Variants in USP45 observed in about 807,000 individuals in gnomAD.
USP45 encodes the protein ubiquitin specific peptidase 45.
Under a neutral mutation model 95.8 loss-of-function variants are expected in USP45, and 89 were observed. The observed-to-expected ratio is 0.93, with a 90% CI of 0.78 to 1.11. USP45 has a LOEUF of 1.11. Ranked by LOEUF, USP45 falls within the 50% of genes least tolerant of loss-of-function variation. USP45 has a pLI of 0.00. For synonymous variants in USP45, 281 were observed against 316.2 expected (o/e 0.89, Z 1.18); for missense variants, 898 against 942.5 (o/e 0.95, Z 0.62).
At chr6:99,461,921 C>T in intron 13 of USP45, 1 of 985,292 alleles carries the variant, frequency 1.0e-6, no homozygotes, top group Non-Finnish European at 1.2e-6. Context: ...ACTACTGAAT[C>T]ATTCTGGTTC....
intron 5 of USP45, chr6:99,502,127 C>T: frequency 9.2e-7 from 1 of 1,083,024 alleles, no homozygotes; most frequent in Non-Finnish European, 1.2e-6. Context: ...TAAAACTCTC[C>T]ACACCAAAAC....
At chr6:99,470,474 T>A (rs1789135681) in intron 9 of USP45, among the ~76,000 whole-genome samples, 1 of 152,206 alleles carries the variant, frequency 6.6e-6, no homozygotes, top group Non-Finnish European at 1.5e-5. Context: ...TCAAGCATAT[T>A]TTGAAAATTA....
chr6:99,437,117 A>AATCAATCG, intron 17 of USP45, 129 bp downstream of exon 17: 1 of 1,005,776 alleles, frequency 9.9e-7, no homozygotes, highest in Admixed American at 2.6e-5. Flanking sequence ...TCAATCAATC[A>AATCAATCG]ATTAAGTTAA....
chr6:99,507,334 A>T, intron 4 of USP45, 94 bp downstream of exon 4: 1 of 621,218 alleles, frequency 1.6e-6, no homozygotes, highest in East Asian at 2.9e-5. Context: ...AGCTGATAGA[A>T]CATCTTTAAA....
At chr6:99,436,902 C>T (rs1780585837) in intron 17 of USP45, among the ~76,000 whole-genome samples, 1 of 152,126 alleles carries the variant, frequency 6.6e-6, no homozygotes. Flanking sequence ...GAGTTTGAGG[C>T]CAGCCTGGCC....
chr6:99,504,504 G>C (rs1798086770), intron 4 of USP45, among the ~76,000 whole-genome samples: 2 of 152,318 alleles, frequency 1.3e-5, no homozygotes, highest in Non-Finnish European at 2.9e-5. Context: ...GGATTGGAGG[G>C]CATTAGGAAG....
At chr6:99,510,007 G>A (rs1583487314) in intron 2 of USP45, 114 bp downstream of exon 2, 1 of 793,160 alleles carries the variant, frequency 1.3e-6, no homozygotes, top group Non-Finnish European at 2.1e-6. Context: ...AGGTTTGGTG[G>A]AAAAAAATTT....
intron 15 of USP45, among the ~76,000 whole-genome samples, chr6:99,440,942 A>G (rs1019325673): frequency 2.6e-5 from 4 of 152,148 alleles, no homozygotes; most frequent in Admixed American, 6.5e-5. Flanking sequence ...ATCATACAAG[A>G]GACTGTGTGA....
intron 13 of USP45, among the ~76,000 whole-genome samples, chr6:99,456,619 A>G (rs546093604): frequency 3.3e-5 from 5 of 152,316 alleles, no homozygotes; most frequent in Admixed American, 6.5e-5. Flanking sequence ...CACTTCCCCA[A>G]TCAATACCCT....
chr6:99,450,329 C>G (rs1783574549), intron 13 of USP45, among the ~76,000 whole-genome samples: 1 of 151,886 alleles, frequency 6.6e-6, no homozygotes, highest in Admixed American at 6.6e-5. Context: ...CAAATAGGCA[C>G]AATAAAAAGT....
At chr6:99,497,598 A>G (rs1435794388) in intron 5 of USP45, among the ~76,000 whole-genome samples, 2 of 152,192 alleles carry the variant, frequency 1.3e-5, no homozygotes, top group Non-Finnish European at 2.9e-5. Context: ...TGATAAATTG[A>G]TATTAACATA....
chr6:99,469,982 G>GA (rs1788994253), intron 9 of USP45, among the ~76,000 whole-genome samples: 1 of 151,816 alleles, frequency 6.6e-6, no homozygotes, highest in Non-Finnish European at 1.5e-5. Flanking sequence ...TTTGAATAAG[G>GA]AAAAAAAGAG....
chr6:99,513,543 A>G (rs1275132969), intron 1 of USP45, among the ~76,000 whole-genome samples: 1 of 152,246 alleles, frequency 6.6e-6, no homozygotes, highest in Non-Finnish European at 1.5e-5. Flanking sequence ...GAAACTGATT[A>G]TATTTTCTCG....
intron 5 of USP45, chr6:99,502,096 G>A: frequency 8.4e-7 from 1 of 1,197,098 alleles, no homozygotes; most frequent in South Asian, 1.6e-5. Context: ...AATCAATCAT[G>A]CCTACACAAT....
intron 5 of USP45, among the ~76,000 whole-genome samples, chr6:99,496,739 A>G (rs913750472): frequency 6.6e-6 from 1 of 152,138 alleles, no homozygotes; most frequent in African/African-American, 2.4e-5. Context: ...TGAGACTTTC[A>G]GAGGACAATG....
At chr6:99,435,910 C>G in intron 17 of USP45, 64 bp from the exon 18 acceptor site, 2 of 1,469,238 alleles carry the variant, frequency 1.4e-6, no homozygotes, top group Non-Finnish European at 1.8e-6. Flanking sequence ...CTCTAAATTA[C>G]AAACAATAAC....
intron 13 of USP45, among the ~76,000 whole-genome samples, chr6:99,448,373 CAGG>C (rs942189531): frequency 2.0e-5 from 3 of 152,276 alleles, no homozygotes; most frequent in East Asian, 1.9e-4. Flanking sequence ...AAAACCATGA[CAGG>C]AGAACTACGT....
intron 5 of USP45, among the ~76,000 whole-genome samples, chr6:99,500,507 T>G (rs149198258): frequency 2.6e-5 from 4 of 152,092 alleles, no homozygotes; most frequent in Non-Finnish European, 5.9e-5. Context: ...ATCAGTAAAA[T>G]TGAATGAAAA....
chr6:99,467,606 A>G (rs1429175527), intron 10 of USP45, among the ~76,000 whole-genome samples: 2 of 152,118 alleles, frequency 1.3e-5, no homozygotes, highest in Non-Finnish European at 2.9e-5. Context: ...TACTATAATA[A>G]TAAAGATATT....
Sources: allele counts gnomAD v4.1 joint callset (sites outside exome capture counted in the v4.1 genomes callset), GRCh38; gene constraint gnomAD v4.1.1; transcripts MANE v1.5; gene names NCBI Gene and HGNC (gene_info 2026-07-23, HGNC 2026-07-21).